Variants in EPB41L4B observed in about 807,000 individuals in gnomAD.
The protein encoded by EPB41L4B is erythrocyte membrane protein band 4.1 like 4B.
Under a neutral mutation model 112.5 loss-of-function variants are expected in EPB41L4B, and 30 were observed. The observed-to-expected ratio is 0.27, with a 90% confidence interval of 0.20 to 0.36. The LOEUF (loss-of-function observed/expected upper bound fraction) is 0.36, where lower values mean the gene tolerates loss of function less well. EPB41L4B is among the 10% of genes least tolerant of loss of function. The pLI, the probability that EPB41L4B is intolerant of heterozygous loss-of-function variation, is 1.00. For synonymous variants in EPB41L4B, 408 were observed against 439.7 expected, an observed-to-expected ratio of 0.93 and a Z score of 0.90; for missense variants, 1,024 against 1,133.3, an observed-to-expected ratio of 0.90 and a Z score of 1.38.
intron 21 of EPB41L4B, among the ~76,000 whole-genome samples, chr9:109,192,934 G>A (rs904918793): frequency 7.9e-5 from 12 of 152,178 alleles, no homozygotes; most frequent in Admixed American, 3.3e-4. Context: ...GCCAGGAGAG[G>A]GAGCCCTGTG....
At chr9:109,234,585 C>T (rs1158215412) in intron 15 of EPB41L4B, among the ~76,000 whole-genome samples, 1 of 152,176 alleles carries the variant, frequency 6.6e-6, no homozygotes, top group Non-Finnish European at 1.5e-5. Context: ...AGGCAACAGG[C>T]CAGGTGCAGT....
Position 109,279,830 on chromosome 9 carries a change from G to A in EPB41L4B, c.398C>T (p.Ser133Phe). 1 of 1,614,050 alleles carries A rather than the reference G, an allele frequency of 6.2e-7. No individual in the cohort carries two copies. Among genetic ancestry groups the A allele is most frequent in the Non-Finnish European group, 8.5e-7 (1 of 1,179,952 alleles). The stretch of plus-strand genomic sequence containing the variant: ...GCAATAACCTACCGCAACCTGGGCA[G>A]AGTCGAGGAACTGGAGGCCAAAGTA... Reference protein sequence around the residue: ...TDYFGLQFLDSAQVAHWLDHA... With the variant: ...TDYFGLQFLDFAQVAHWLDHA... Residue 133 changes from serine (S) to phenylalanine (F), a missense_variant, in exon 2 of 26, where the codon TCT becomes TTT. Ser to Phe is a radical substitution (Grantham distance 155). Transcript: ENST00000374566.
In EPB41L4B at chr9:109,175,514, G is replaced by C. The variant is rs996512533; in HGVS notation, c.2634-891C>G. On this transcript the variant is annotated intron_variant, in intron 25 of 25. Coordinates refer to ENST00000374566, the MANE Select transcript of EPB41L4B (RefSeq NM_019114.5). Reference sequence around the variant, plus strand: ...ACACACACACACACACACACACACAGAGTAAATACACATCTTTTCATTGTT... The same window carrying C: ...ACACACACACACACACACACACACACAGTAAATACACATCTTTTCATTGTT... 3.1e-3 allele frequency among the ~76,000 whole-genome samples: 186 copies of C among 60,748 alleles called. 1 individual carries two copies. The highest frequency in any genetic ancestry group is 8.4e-3 in the African/African-American group (158 of 18,822). 39.9% of individuals were successfully genotyped at this position (60,748 alleles called of 152,430 possible). A position where few individuals can be genotyped will look rare whatever the true frequency, so the allele number is the denominator to read the frequency against.
chr9:109,211,609 A>T (rs1833176566), intron 17 of EPB41L4B, among the ~76,000 whole-genome samples: 1 of 150,818 alleles, frequency 6.6e-6, no homozygotes, highest in Non-Finnish European at 1.5e-5. Flanking sequence ...AAAAAAAAAA[A>T]TCAAAGTGTG....
chr9:109,267,422 C>A (rs749700639), intron 4 of EPB41L4B, 51 bp downstream of exon 4: 1 of 1,171,922 alleles, frequency 8.5e-7, no homozygotes, highest in Non-Finnish European at 1.3e-6. Context: ...CCATAAATGA[C>A]ATGTAAGGCA....
intron 17 of EPB41L4B, among the ~76,000 whole-genome samples, chr9:109,209,313 G>A (rs886683752): frequency 7.2e-5 from 11 of 151,930 alleles, no homozygotes; most frequent in African/African-American, 2.4e-4. Flanking sequence ...ATAGCAAGAC[G>A]GCAGAGACAG....
At chr9:109,208,279 G>A (rs999969270) in intron 17 of EPB41L4B, among the ~76,000 whole-genome samples, 2 of 152,202 alleles carry the variant, frequency 1.3e-5, no homozygotes, top group African/African-American at 4.8e-5. Flanking sequence ...CCAGGGTAAA[G>A]GTTTAAAGAG....
At chr9:109,233,392 C>A (rs974497838) in intron 15 of EPB41L4B, among the ~76,000 whole-genome samples, 1 of 152,028 alleles carries the variant, frequency 6.6e-6, no homozygotes, top group Non-Finnish European at 1.5e-5. Flanking sequence ...TTATCAATAC[C>A]CTCCCAAACA....
intron 24 of EPB41L4B, among the ~76,000 whole-genome samples, chr9:109,178,896 T>C (rs1831943544): frequency 4.0e-5 from 1 of 24,906 alleles, no homozygotes; most frequent in South Asian, 7.3e-4. Context: ...TGCCATATAC[T>C]TCAAGTAAAA....
chr9:109,195,510 G>C (rs554354736), intron 20 of EPB41L4B, among the ~76,000 whole-genome samples: 2 of 152,274 alleles, frequency 1.3e-5, no homozygotes, highest in South Asian at 4.1e-4. Context: ...AATACACCAA[G>C]TATTTGGATC....
chr9:109,281,815 T>G (rs546725534), intron 1 of EPB41L4B, among the ~76,000 whole-genome samples: 1 of 152,306 alleles, frequency 6.6e-6, no homozygotes, highest in Admixed American at 6.5e-5. Context: ...ACTGTGCAGC[T>G]GCTCTGGAAA....
intron 2 of EPB41L4B, among the ~76,000 whole-genome samples, chr9:109,276,580 T>G (rs144577245): frequency 6.6e-6 from 1 of 151,948 alleles, no homozygotes; most frequent in Non-Finnish European, 1.5e-5. Flanking sequence ...ATTTGTAGAG[T>G]TGGATGCTGG....
chr9:109,265,130 C>T, intron 4 of EPB41L4B, 106 bp from the exon 5 acceptor site: 1 of 906,576 alleles, frequency 1.1e-6, no homozygotes, highest in East Asian at 2.6e-5. Flanking sequence ...TGGAGTTTTG[C>T]ATTGTAAAAA....
At chr9:109,282,608 C>A (rs1836110076) in intron 1 of EPB41L4B, among the ~76,000 whole-genome samples, 1 of 152,172 alleles carries the variant, frequency 6.6e-6, no homozygotes, top group South Asian at 2.1e-4. Flanking sequence ...GATAAGAACA[C>A]CCCATCACCT....
intron 17 of EPB41L4B, among the ~76,000 whole-genome samples, chr9:109,208,534 T>C (rs10979748): frequency 0.091 from 13,895 of 152,220 alleles, 913 homozygotes; most frequent in African/African-American, 0.18. Context: ...GTTAGCTTAT[T>C]GTAGAGTGTC....
In EPB41L4B at chr9:109,321,000, G is replaced by A; in HGVS notation, c.-554C>T. ...GCCCCCGCCTCCCACCTGGGAGGCTGCACCTCCAGCCGCCGCCGCCGCCGC... is the reference window on the plus strand; with the variant it reads ...GCCCCCGCCTCCCACCTGGGAGGCTACACCTCCAGCCGCCGCCGCCGCCGC... On this transcript the variant is annotated 5_prime_UTR_variant, in exon 1 of 26. Transcript: ENST00000374566. 5.5e-6 allele frequency: 1 copy of A among 182,492 alleles called. No homozygotes were observed. Among genetic ancestry groups the A allele is most frequent in the Non-Finnish European group, 1.1e-5 (1 of 90,770 alleles). 11.3% of individuals were successfully genotyped at this position (182,492 alleles called of 1,614,324 possible). A position where few individuals can be genotyped will look rare whatever the true frequency, so the allele number is the denominator to read the frequency against.
intron 2 of EPB41L4B, among the ~76,000 whole-genome samples, chr9:109,279,005 C>T (rs1051414785): frequency 3.3e-5 from 5 of 152,128 alleles, no homozygotes; most frequent in Admixed American, 2.6e-4. Context: ...CTGGAACCTG[C>T]AAGATGGTTC....
intron 2 of EPB41L4B, among the ~76,000 whole-genome samples, chr9:109,272,003 T>C (rs1835641095): frequency 6.6e-6 from 1 of 152,198 alleles, no homozygotes; most frequent in African/African-American, 2.4e-5. Flanking sequence ...TCATCTAAAA[T>C]CTACATGGGA....
At chr9:109,260,890 G>A (rs1209883841) in intron 6 of EPB41L4B, among the ~76,000 whole-genome samples, 1 of 152,158 alleles carries the variant, frequency 6.6e-6, no homozygotes, top group Non-Finnish European at 1.5e-5. Context: ...GGGGTGGGAT[G>A]GTAATACGTG....
Sources: allele counts gnomAD v4.1 joint callset (sites outside exome capture counted in the v4.1 genomes callset), GRCh38; gene constraint gnomAD v4.1.1; transcripts MANE v1.5; gene names NCBI Gene and HGNC (gene_info 2026-07-23, HGNC 2026-07-21).